TBC1D30: variants seen among roughly 807,000 people sequenced by gnomAD.
TBC1D30 encodes TBC1 domain family, member 30.
Under a neutral mutation model 63.2 loss-of-function variants are expected in TBC1D30, and 31 were observed. The observed-to-expected ratio is 0.49, with a 90% CI of 0.37 to 0.66. The LOEUF (loss-of-function observed/expected upper bound fraction) is 0.66. TBC1D30 is among the 30% of genes least tolerant of loss of function. The probability of loss-of-function intolerance (pLI) is 0.00; values close to 1 mark genes in which losing one functional copy is unlikely to be tolerated. For missense variants in TBC1D30, 810 were observed against 953.6 expected (o/e 0.85, Z 1.98); for synonymous variants, 307 against 361.5 (o/e 0.85, Z 1.71).
chr12:64,796,063 T>G (rs1240334424), intron 2 of TBC1D30, among the ~76,000 whole-genome samples: 1 of 152,118 alleles, frequency 6.6e-6, no homozygotes, highest in East Asian at 1.9e-4. Context: ...TGAAAGAAAC[T>G]GATTGAGCTT....
In TBC1D30 at chr12:64,789,181, C is replaced by CTTTT. The variant is rs369676415; in HGVS notation, c.643+3138_643+3139insTTTT. 3.8e-4 allele frequency among the ~76,000 whole-genome samples: 48 copies of CTTTT among 127,168 alleles called. 2 individuals are homozygous for CTTTT. The highest frequency in any genetic ancestry group is 6.7e-4 in the Non-Finnish European group (41 of 61,242). The allele number at this position is 127,168 out of a possible 152,430, so 83.4% of individuals were successfully genotyped here. A position where few individuals can be genotyped will look rare whatever the true frequency, so the allele number is the denominator to read the frequency against. On this transcript the variant is annotated intron_variant, in intron 2 of 12. Transcript: ENST00000542120. The stretch of plus-strand genomic sequence containing the variant: ...TTTCCCCTTCTTCTTCCTTCTTCTT[C>CTTTT]TTCTTTTTTTTTTTTTTTGGAGACA...
At chr12:64,830,186 A>G (rs1432829782) in intron 3 of TBC1D30, among the ~76,000 whole-genome samples, 191 bp from the exon 4 acceptor site, 1 of 152,184 alleles carries the variant, frequency 6.6e-6, no homozygotes, top group African/African-American at 2.4e-5. Flanking sequence ...GAGTAAATGA[A>G]AGGCCCTAAA....
In TBC1D30 at chr12:64,870,885, GCCTTGGAATTACT is replaced by G. The variant is rs1193230329; in HGVS notation, c.1498+78_1498+90del. On this transcript the variant is annotated intron_variant, in intron 11 of 11. Transcript: ENST00000539867. ...ATGAAGAACAAATAATCCTAGGAAG[GCCTTGGAATTACT>G]AACTGTAGCTCAGTATCCATCAACA... 3 of 1,417,232 alleles carry G rather than the reference GCCTTGGAATTACT, an allele frequency of 2.1e-6. No homozygotes were observed. The African/African-American group carries it at 4.3e-5, about 20-fold the overall frequency. 87.8% of individuals were successfully genotyped at this position (1,417,232 alleles called of 1,614,324 possible). A position where few individuals can be genotyped will look rare whatever the true frequency, so the allele number is the denominator to read the frequency against.
chr12:64,763,645 T>C (rs1870600612), intron 1 of TBC1D30, among the ~76,000 whole-genome samples: 1 of 151,416 alleles, frequency 6.6e-6, no homozygotes, highest in South Asian at 2.1e-4. Context: ...AGTCTTGCTC[T>C]GTCACCAGGC....
intron 7 of TBC1D30, among the ~76,000 whole-genome samples, chr12:64,841,626 G>A (rs1311875375): frequency 6.6e-6 from 1 of 152,170 alleles, no homozygotes; most frequent in Non-Finnish European, 1.5e-5. Context: ...CTCTGGTCCT[G>A]CAACCACTAC....
upstream of TBC1D30, among the ~76,000 whole-genome samples, chr12:64,777,952 G>C (rs1426155278): frequency 6.6e-6 from 1 of 152,126 alleles, no homozygotes; most frequent in African/African-American, 2.4e-5. Flanking sequence ...AGTAGAGATG[G>C]GGTTTCGCCA....
rs1212835362 is a variant in TBC1D30, at chr12:64,843,522, C to G, written c.1038+37C>G. ...ACATGGAGCAGCTTGGCTCGGGGAA[C>G]CCCGGGCACGGTGGGAACAACCAGT... On this transcript the variant is annotated intron_variant, in intron 8 of 11. Transcript: ENST00000539867. 6.0e-6 allele frequency: 9 copies of G among 1,498,176 alleles called. No individual in the cohort carries two copies. In the African/African-American group the frequency reaches 9.7e-5, roughly 16 times the overall value. 92.8% of individuals were successfully genotyped at this position (1,498,176 alleles called of 1,614,324 possible).
Position 64,792,402 on chromosome 12 carries a change from T to C in TBC1D30, c.643+6357T>C, listed in dbSNP as rs138730972. ...ACAGAGTAGCAAGCCCAAGCCTTGT[T>C]ATGTGGGGAAAGGGTAATGTTGCTA... On this transcript the variant is annotated intron_variant, in intron 2 of 12. Coordinates refer to the TBC1D30 transcript ENST00000542120. Among the ~76,000 whole-genome samples the C allele has an allele frequency of 1.2e-3, 179 of 152,290 alleles. 3 individuals are homozygous for C. The East Asian group carries it at 0.028, about 24-fold the overall frequency.
rs1427907193 is a variant in TBC1D30 at position 64,876,561 on chromosome 12, G to T, written c.*773G>T. On this transcript the variant is annotated 3_prime_UTR_variant, in exon 12 of 12. Coordinates refer to ENST00000539867, the MANE Select transcript of TBC1D30 (RefSeq NM_015279.2). ...GGTTTGTGTTCGCCTCTCAAGGAGA[G>T]CTTTGATCCTCAGTGGTACGGATGA... The T allele has an allele frequency of 9.1e-6, 3 of 330,408 alleles. No individual in the cohort carries two copies. The highest frequency in any genetic ancestry group is 2.2e-5 in the African/African-American group (1 of 46,482). The allele number at this position is 330,408 out of a possible 1,614,324, so 20.5% of individuals were successfully genotyped here.
chr12:64,835,081 T>C (rs777356693), intron 5 of TBC1D30, among the ~76,000 whole-genome samples: 1 of 152,130 alleles, frequency 6.6e-6, no homozygotes, highest in Non-Finnish European at 1.5e-5. Context: ...TGCTGAAACT[T>C]GCTCTCCTCA....
At chr12:64,823,898 A>G (rs929343254), upstream of TBC1D30, among the ~76,000 whole-genome samples, 1 of 152,184 alleles carries the variant, frequency 6.6e-6, no homozygotes, top group Non-Finnish European at 1.5e-5. Context: ...TGTCTCCTCC[A>G]CGATGTTCCT....
At chr12:64,786,148 T>G in intron 2 of TBC1D30, 1 of 843,698 alleles carries the variant, frequency 1.2e-6, no homozygotes, top group Non-Finnish European at 1.6e-6. Flanking sequence ...AAGTTTTAAA[T>G]GCAAGCTTAT....
At position 64,838,785 on chromosome 12, in the gene TBC1D30, C is replaced by T. The variant is rs1354705046; in HGVS notation, c.866C>T (p.Ser289Leu). Residue 289 changes from serine (S) to leucine (L), a missense_variant, in exon 7 of 12, where the codon TCA becomes TTA. Physicochemically the swap from Ser to Leu is moderately radical, Grantham distance 145 (BLOSUM62 -2). Transcript: ENST00000539867. ...CAGACCGTTTTAAAGATCTGGGATT[C>T]AGTCTTCTTTGAAGGTTCAGAAATC... ...PNQTVLKIWD[S>L]VFFEGSEIIL... is the part of the protein sequence containing the mutation. 6.5e-7 allele frequency: 1 copy of T among 1,536,266 alleles called. No homozygotes were observed. The highest frequency in any genetic ancestry group is 1.4e-5 in the African/African-American group (1 of 73,152).
chr12:64,839,838 T>C (rs1223522003), intron 7 of TBC1D30, among the ~76,000 whole-genome samples: 1 of 151,924 alleles, frequency 6.6e-6, no homozygotes, highest in Admixed American at 6.6e-5. Context: ...ACCCCGTCTC[T>C]ACTAAATATA....
chr12:64,769,762 C>T (rs778607075), intron 1 of TBC1D30, among the ~76,000 whole-genome samples: 2 of 151,564 alleles, frequency 1.3e-5, no homozygotes, highest in African/African-American at 4.9e-5. Context: ...CCTTGTGACC[C>T]ACCTGCCTTG....
chr12:64,807,872 C>T (rs1018530356), intron 2 of TBC1D30, among the ~76,000 whole-genome samples: 11 of 149,016 alleles, frequency 7.4e-5, no homozygotes, highest in African/African-American at 2.2e-4. Flanking sequence ...GCCTCAGCCT[C>T]CTGAGTAGCT....
intron 4 of TBC1D30, among the ~76,000 whole-genome samples, chr12:64,831,741 T>C (rs1323154584): frequency 6.6e-6 from 1 of 152,202 alleles, no homozygotes. Flanking sequence ...AGGAAGAATG[T>C]TAGCCTCAAT....
chr12:64,796,074 G>T (rs187512627), intron 2 of TBC1D30, among the ~76,000 whole-genome samples: 12 of 151,526 alleles, frequency 7.9e-5, no homozygotes, highest in Admixed American at 1.3e-4. Context: ...GATTGAGCTT[G>T]CATACAGCAT....
intron 1 of TBC1D30, among the ~76,000 whole-genome samples, chr12:64,760,751 G>T (rs1167747573): frequency 6.7e-6 from 1 of 150,268 alleles, no homozygotes; most frequent in Non-Finnish European, 1.5e-5. Context: ...AAAAAAACTC[G>T]TGAAAACACT....
Sources: gnomAD v4.1 joint callset for allele counts (sites outside exome capture counted in the v4.1 genomes callset) on GRCh38, gnomAD v4.1.1 for gene constraint, MANE v1.5 for transcripts, NCBI Gene and HGNC (gene_info 2026-07-23, HGNC 2026-07-21) for gene names.